Variants in UNC5C observed in about 807,000 individuals in gnomAD.
UNC5C encodes the protein unc-5 netrin receptor C, also known as netrin receptor UNC5C.
In UNC5C, 47 loss-of-function variants were observed where a neutral mutation model predicts 99.8. The observed-to-expected ratio is 0.47, with a 90% CI of 0.37 to 0.60. The LOEUF is 0.60. Among genes scored for constraint, UNC5C ranks in the 20% least tolerant of loss-of-function variants. UNC5C has a pLI of 0.00. For synonymous variants in UNC5C, 487 were observed against 452.2 expected (o/e 1.08, Z -0.98); for missense variants, 1,062 against 1,165.9 (o/e 0.91, Z 1.30).
At chr4:95,245,495 T>G (rs1739470431) in intron 5 of UNC5C, among the ~76,000 whole-genome samples, 1 of 152,168 alleles carries the variant, frequency 6.6e-6, no homozygotes, top group African/African-American at 2.4e-5. Context: ...TAATAAATGT[T>G]TACATCTCTA....
At chr4:95,544,166 G>C (rs1301507779) in intron 1 of UNC5C, among the ~76,000 whole-genome samples, 3 of 152,152 alleles carry the variant, frequency 2.0e-5, no homozygotes, top group Non-Finnish European at 4.4e-5. Context: ...AGGAAACTAA[G>C]GCACGGAAAC....
intron 1 of UNC5C, among the ~76,000 whole-genome samples, chr4:95,345,284 T>G (rs184685028): frequency 1.8e-4 from 28 of 151,846 alleles, no homozygotes; most frequent in Non-Finnish European, 3.5e-4. Context: ...GATAAACGGG[T>G]CAATTCAGCA....
chr4:95,344,798 A>G (rs1287507224), intron 1 of UNC5C, among the ~76,000 whole-genome samples: 1 of 152,138 alleles, frequency 6.6e-6, no homozygotes, highest in Admixed American at 6.6e-5. Flanking sequence ...ATGACAAGAT[A>G]TCATTTACAA....
chr4:95,534,576 A>G (rs749845061), intron 1 of UNC5C, among the ~76,000 whole-genome samples: 2 of 152,152 alleles, frequency 1.3e-5, no homozygotes, highest in Admixed American at 1.3e-4. Flanking sequence ...ACAAATACAC[A>G]CTAGAAAACA....
At chr4:95,308,006 C>A (rs1308433724) in intron 2 of UNC5C, among the ~76,000 whole-genome samples, 1 of 152,174 alleles carries the variant, frequency 6.6e-6, no homozygotes, top group Non-Finnish European at 1.5e-5. Flanking sequence ...CCAGACCTGG[C>A]ATTACGTTCA....
At chr4:95,302,865 G>GA (rs1257284484) in intron 2 of UNC5C, among the ~76,000 whole-genome samples, 1 of 152,178 alleles carries the variant, frequency 6.6e-6, no homozygotes, top group African/African-American at 2.4e-5. Flanking sequence ...ATGTTATTGT[G>GA]AAGAGGTATC....
intron 4 of UNC5C, among the ~76,000 whole-genome samples, chr4:95,257,139 T>C (rs537653775): frequency 4.6e-5 from 7 of 152,260 alleles, no homozygotes; most frequent in Middle Eastern, 3.4e-3. Flanking sequence ...CATCACACTA[T>C]ACCTCATCTC....
intron 1 of UNC5C, among the ~76,000 whole-genome samples, chr4:95,351,570 G>C (rs1472692028): frequency 1.3e-5 from 2 of 151,956 alleles, no homozygotes; most frequent in Middle Eastern, 3.2e-3. Flanking sequence ...CTGTAATCCT[G>C]GGGCTTTGGG....
At chr4:95,523,329 G>A (rs1252269454) in intron 1 of UNC5C, among the ~76,000 whole-genome samples, 1 of 152,158 alleles carries the variant, frequency 6.6e-6, no homozygotes, top group Non-Finnish European at 1.5e-5. Context: ...ACAGCAGCTG[G>A]GGGATGTGTG....
intron 1 of UNC5C, among the ~76,000 whole-genome samples, chr4:95,445,651 G>C (rs1747080107): frequency 6.6e-6 from 1 of 152,132 alleles, no homozygotes; most frequent in African/African-American, 2.4e-5. Flanking sequence ...AGAGGAGAAA[G>C]TACAAGTAAG....
Position 95,219,196 on chromosome 4 carries a change from G to A in UNC5C, c.1418C>T (p.Pro473Leu). The A allele has an allele frequency of 6.2e-7, 1 of 1,614,162 alleles. No homozygotes were observed. Among genetic ancestry groups the A allele is most frequent in the South Asian group, 1.1e-5 (1 of 91,078 alleles). ...CACTTTGATTTTCAGGTTGGGCAGT[G>A]GATCCAGAATTGGAGAGTTGGTCAT... Reference protein sequence around the residue: ...IPMTNSPILDPLPNLKIKVYN... With the variant: ...IPMTNSPILDLLPNLKIKVYN... The change falls in exon 9 of 16, where the codon CCA becomes CTA. Residue 473 changes from proline to leucine, a missense_variant. Coordinates refer to ENST00000453304, the MANE Select transcript of UNC5C (RefSeq NM_003728.4).
chr4:95,316,647 G>A (rs1742487453), intron 2 of UNC5C, among the ~76,000 whole-genome samples: 1 of 152,104 alleles, frequency 6.6e-6, no homozygotes, highest in Non-Finnish European at 1.5e-5. Flanking sequence ...TAGAACCACT[G>A]CTTTCTCATT....
At chr4:95,183,577 T>C (rs569423568) in intron 13 of UNC5C, among the ~76,000 whole-genome samples, 2 of 152,232 alleles carry the variant, frequency 1.3e-5, no homozygotes, top group African/African-American at 2.4e-5. Context: ...CCCACTACAG[T>C]TGGAAACTTC....
intron 1 of UNC5C, among the ~76,000 whole-genome samples, chr4:95,412,723 A>T (rs775762984): frequency 6.6e-6 from 1 of 152,208 alleles, no homozygotes; most frequent in Non-Finnish European, 1.5e-5. Flanking sequence ...ATTAATATGT[A>T]AATATTCTTG....
chr4:95,189,786 A>G (rs368437911), intron 12 of UNC5C, among the ~76,000 whole-genome samples: 30 of 152,328 alleles, frequency 2.0e-4, no homozygotes, highest in East Asian at 7.7e-4. Flanking sequence ...CAAAACCACA[A>G]TGAGATATCA....
intron 1 of UNC5C, among the ~76,000 whole-genome samples, chr4:95,492,046 G>A (rs1721507788): frequency 6.6e-6 from 1 of 151,452 alleles, no homozygotes; most frequent in Admixed American, 6.6e-5. Context: ...AGCTTGCTTT[G>A]TCTGTGTGTG....
intron 1 of UNC5C, among the ~76,000 whole-genome samples, chr4:95,478,198 AC>A (rs2149476749): frequency 6.6e-6 from 1 of 151,718 alleles, no homozygotes; most frequent in East Asian, 1.9e-4. Context: ...TCCTACCACC[AC>A]CCTATCCATT....
At chr4:95,283,669 A>T (rs1447000803) in intron 3 of UNC5C, among the ~76,000 whole-genome samples, 1 of 152,230 alleles carries the variant, frequency 6.6e-6, no homozygotes, top group Non-Finnish European at 1.5e-5. Flanking sequence ...GTCAGCTGGG[A>T]ATTAGATGTA....
intron 7 of UNC5C, among the ~76,000 whole-genome samples, chr4:95,221,200 A>T (rs1055556327): frequency 6.6e-6 from 1 of 152,206 alleles, no homozygotes; most frequent in Non-Finnish European, 1.5e-5. Flanking sequence ...TGTTTTTAGT[A>T]TTCTGTGATG....
Sources: allele counts gnomAD v4.1 joint callset (sites outside exome capture counted in the v4.1 genomes callset), GRCh38; gene constraint gnomAD v4.1.1; transcripts MANE v1.5; gene names NCBI Gene and HGNC (gene_info 2026-07-23, HGNC 2026-07-21).